Variants in UNC13C observed in about 807,000 individuals in gnomAD.
UNC13C encodes the protein protein unc-13 homolog C.
Under a neutral mutation model 245.4 loss-of-function variants are expected in UNC13C, and 174 were observed. That is an observed-to-expected ratio of 0.71 (90% CI 0.63 to 0.80). UNC13C has a LOEUF of 0.80. Ranked by LOEUF, UNC13C falls within the 30% of genes least tolerant of loss-of-function variation. UNC13C has a pLI of 0.00. For missense variants in UNC13C, 2,829 were observed against 2,602.9 expected (o/e 1.09, Z -1.89); for synonymous variants, 992 against 895.1 (o/e 1.11, Z -1.93).
At chr15:54,422,058 A>G (rs187803457) in intron 19 of UNC13C, among the ~76,000 whole-genome samples, 1 of 152,192 alleles carries the variant, frequency 6.6e-6, no homozygotes, top group African/African-American at 2.4e-5. Flanking sequence ...AAGTAAACCT[A>G]GAAGTACAAC....
chr15:53,846,268 T>G, the UNC13C span, among the ~76,000 whole-genome samples: 1 of 152,218 alleles, frequency 6.6e-6, no homozygotes, highest in African/African-American at 2.4e-5. Flanking sequence ...TGCATTCACA[T>G]GGCATTGTGT....
intron 19 of UNC13C, among the ~76,000 whole-genome samples, chr15:54,451,355 T>C (rs893991439): frequency 1.3e-5 from 2 of 152,166 alleles, no homozygotes; most frequent in Admixed American, 1.3e-4. Context: ...TTACCTAATA[T>C]TTTGTTAAAT....
chr15:54,198,575 C>T (rs12440297), intron 4 of UNC13C, among the ~76,000 whole-genome samples: 76,080 of 151,940 alleles, frequency 0.5, 19,320 homozygotes, highest in East Asian at 0.56. Flanking sequence ...CAGAGCCTGG[C>T]AGCTCCACTG....
At chr15:54,516,346 T>A (rs1520404) in intron 24 of UNC13C, among the ~76,000 whole-genome samples, 5,015 of 152,312 alleles carry the variant, frequency 0.033, 282 homozygotes, top group African/African-American at 0.12. Flanking sequence ...AACTACCTGA[T>A]GAGTTTATGA....
At chr15:54,188,819 T>C (rs1439755582) in intron 4 of UNC13C, among the ~76,000 whole-genome samples, 4 of 152,208 alleles carry the variant, frequency 2.6e-5, no homozygotes, top group African/African-American at 4.8e-5. Context: ...AAATTTAAAA[T>C]TGATGATTAC....
intron 19 of UNC13C, among the ~76,000 whole-genome samples, chr15:54,463,917 A>G (rs531017131): frequency 8.1e-4 from 123 of 152,322 alleles, no homozygotes; most frequent in Non-Finnish European, 2.8e-4. Context: ...GACAAGCCCA[A>G]TGGAGAAGAG....
intron 1 of UNC13C, among the ~76,000 whole-genome samples, chr15:53,979,755 A>G (rs1001007355): frequency 2.0e-5 from 3 of 152,206 alleles, no homozygotes; most frequent in African/African-American, 7.2e-5. Flanking sequence ...TAATGCTTAT[A>G]AAGATTAGTT....
At chr15:54,017,521 A>G (rs868069739) in intron 2 of UNC13C, among the ~76,000 whole-genome samples, 4 of 151,278 alleles carry the variant, frequency 2.6e-5, no homozygotes, top group Non-Finnish European at 5.9e-5. Context: ...TGTGGTTTGT[A>G]TATATCTGTT....
intron 2 of UNC13C, among the ~76,000 whole-genome samples, chr15:54,057,573 A>G (rs1251274475): frequency 6.6e-6 from 1 of 152,150 alleles, no homozygotes; most frequent in Non-Finnish European, 1.5e-5. Context: ...GTTAACCAGG[A>G]TATCCAGGAA....
At chr15:54,058,468 T>C (rs1170304973) in intron 2 of UNC13C, among the ~76,000 whole-genome samples, 1 of 152,094 alleles carries the variant, frequency 6.6e-6, no homozygotes, top group Non-Finnish European at 1.5e-5. Flanking sequence ...AGGCAATAAT[T>C]AATAGCTTAC....
At chr15:53,850,669 T>C in the UNC13C span, among the ~76,000 whole-genome samples, 1 of 151,480 alleles carries the variant, frequency 6.6e-6, no homozygotes, top group South Asian at 2.1e-4. Flanking sequence ...ATTTTCTTTA[T>C]GTTAATTCTA....
At chr15:54,064,021 C>G (rs1264298172) in intron 2 of UNC13C, among the ~76,000 whole-genome samples, 1 of 152,102 alleles carries the variant, frequency 6.6e-6, no homozygotes, top group Non-Finnish European at 1.5e-5. Context: ...ATTTATAGAG[C>G]TTTCTTATCC....
intron 13 of UNC13C, among the ~76,000 whole-genome samples, chr15:54,302,954 A>G (rs2037626039): frequency 6.6e-6 from 1 of 152,116 alleles, no homozygotes; most frequent in Non-Finnish European, 1.5e-5. Flanking sequence ...ATGAATGATA[A>G]TTACTGATAG....
intron 19 of UNC13C, among the ~76,000 whole-genome samples, chr15:54,426,745 C>T (rs2040767583): frequency 1.3e-5 from 2 of 151,742 alleles, no homozygotes; most frequent in Non-Finnish European, 2.9e-5. Context: ...GTACGAAAAT[C>T]TGTCTCCATT....
At chr15:54,358,621 G>A (rs2039153504) in intron 17 of UNC13C, among the ~76,000 whole-genome samples, 1 of 151,994 alleles carries the variant, frequency 6.6e-6, no homozygotes, top group Non-Finnish European at 1.5e-5. Flanking sequence ...GTCTGTAATT[G>A]GTGTGTAGAA....
At chr15:54,617,121 T>TAACA (rs1480546472) in intron 30 of UNC13C, among the ~76,000 whole-genome samples, 2 of 152,216 alleles carry the variant, frequency 1.3e-5, no homozygotes, top group Admixed American at 6.6e-5. Context: ...AGAAATCACC[T>TAACA]AACACATTTT....
chr15:54,338,763 G>A (rs2038656078), intron 17 of UNC13C, among the ~76,000 whole-genome samples: 1 of 152,110 alleles, frequency 6.6e-6, no homozygotes, highest in Non-Finnish European at 1.5e-5. Context: ...ATTTTCTCAA[G>A]GTCACAAGGT....
chr15:54,082,110 GC>G (rs1397417074), intron 2 of UNC13C, among the ~76,000 whole-genome samples: 1 of 152,062 alleles, frequency 6.6e-6, no homozygotes, highest in Non-Finnish European at 1.5e-5. Context: ...CTAAAAGTAG[GC>G]CCCTAATTTC....
intron 30 of UNC13C, among the ~76,000 whole-genome samples, chr15:54,575,782 A>T (rs1469893448): frequency 6.6e-6 from 1 of 152,128 alleles, no homozygotes. Context: ...GGTCTATGTC[A>T]CTCTCTGCCC....
Sources: allele counts gnomAD v4.1 joint callset (sites outside exome capture counted in the v4.1 genomes callset), GRCh38; gene constraint gnomAD v4.1.1; transcripts MANE v1.5; gene names NCBI Gene and HGNC (gene_info 2026-07-23, HGNC 2026-07-21).